The following BPIFB2 variants were observed in gnomAD, a reference collection of about 807,000 sequenced individuals.
BPIFB2 encodes BPI fold-containing family B member 2.
BPIFB2 carries 39 observed loss-of-function variants against 50.1 expected under a neutral mutation model. That is an observed-to-expected ratio of 0.78 (90% confidence interval 0.60 to 1.02). The LOEUF is 1.02. Among genes scored for constraint, BPIFB2 ranks in the 50% least tolerant of loss-of-function variants. BPIFB2 has a pLI of 0.00. For missense variants in BPIFB2, 574 were observed against 585.8 expected (o/e 0.98, Z 0.21); for synonymous variants, 280 against 256.3 (o/e 1.09, Z -0.88).
chr20:33,011,172 T>C lies in BPIFB2; in HGVS notation c.203+55T>C, dbSNP rs1600510788. 10 of 1,554,156 alleles carry C rather than the reference T, an allele frequency of 6.4e-6. No homozygotes were observed. The East Asian group carries it at 2.3e-4, about 35-fold the overall frequency. The stretch of plus-strand genomic sequence containing the variant: ...CTCCTGCCACCAAGTGGAGTGTTCC[T>C]GCTTGCCAGGTGGGTGCTTCAGTCC... On this transcript the variant is annotated intron_variant, in intron 3 of 15. Transcript: ENST00000170150.
In BPIFB2 at chr20:33,015,489, G is replaced by A; in HGVS notation, c.509G>A (p.Ser170Asn). The A allele has an allele frequency of 6.2e-7, 1 of 1,612,338 alleles. No individual in the cohort carries two copies. Residue 170 changes from serine to asparagine, a missense_variant, in exon 6 of 16, where the codon AGT (serine) becomes AAT (asparagine). By Grantham distance (46) the Ser-to-Asn change is conservative (BLOSUM62 1). Transcript: ENST00000170150. ...CAGAAGCACATTAAAGCTGTCTTGA[G>A]TAACAAGGTAAAGGGCTTGCAGATT... Reference protein sequence around the residue: ...LVQKHIKAVLSNKLCLSISNL... With the variant: ...LVQKHIKAVLNNKLCLSISNL...
At chr20:33,022,241 G>A (rs946773960) in intron 15 of BPIFB2, among the ~76,000 whole-genome samples, 8 of 152,186 alleles carry the variant, frequency 5.3e-5, no homozygotes, top group East Asian at 1.9e-4. Context: ...GGTGAGATGC[G>A]ACAGCTGCTT....
rs2146350882 is a variant in BPIFB2 at position 33,013,785 on chromosome 20, GGGCTCAGGACT to G, written c.309-21_309-11del. ...TGGGCTCTGCTGGGCGGTGCTGCTC[GGGCTCAGGACT>G]GGCATCCCTACAGCGCCCCAGAGCC... On this transcript the variant is annotated splice_polypyrimidine_tract_variant and intron_variant, in intron 4 of 15. Transcript: ENST00000170150. The G allele has an allele frequency of 1.2e-6, 2 of 1,606,388 alleles. No individual in the cohort carries two copies. Among genetic ancestry groups the G allele is most frequent in the East Asian group, 4.5e-5 (2 of 44,748 alleles).
intron 15 of BPIFB2, among the ~76,000 whole-genome samples, chr20:33,022,224 T>C (rs1409685690): frequency 6.6e-6 from 1 of 152,184 alleles, no homozygotes. Flanking sequence ...GTCACAACAC[T>C]GCCCAGGGTG....
chr20:33,021,743 G>A lies in BPIFB2; in HGVS notation c.1279G>A (p.Ala427Thr). Residue 427 changes from alanine to threonine, a missense_variant, in exon 15 of 16, where the codon GCC becomes ACC. By Grantham distance (58) the Ala-to-Thr change is moderately conservative. Coordinates refer to ENST00000170150, the MANE Select transcript of BPIFB2 (RefSeq NM_025227.3). ...TGCAGCTCTCTTGGCCATGGGAATT[G>A]CCCTCCCTGGTGTGGTCAACCTCCA... ...HLNALLAMGI[A>T]LPGVVNLHYV... 1 of 1,614,104 alleles carries A rather than the reference G, an allele frequency of 6.2e-7. No homozygotes were observed. The highest frequency in any genetic ancestry group is 1.1e-5 in the South Asian group (1 of 91,074).
At chr20:33,021,934 A>C in intron 15 of BPIFB2, 135 bp downstream of exon 15, 1 of 882,208 alleles carries the variant, frequency 1.1e-6, no homozygotes, top group Non-Finnish European at 1.8e-6. Flanking sequence ...TGAAATGAAA[A>C]GTCCAGGATG....
chr20:33,022,663 A>T (rs1325768774), intron 15 of BPIFB2, among the ~76,000 whole-genome samples: 1 of 152,242 alleles, frequency 6.6e-6, no homozygotes, highest in Non-Finnish European at 1.5e-5. Flanking sequence ...ATGATAAGCC[A>T]CAGGTACATG....
At chr20:33,020,629 T>A in intron 13 of BPIFB2, 42 bp downstream of exon 13, 1 of 1,554,546 alleles carries the variant, frequency 6.4e-7, no homozygotes, top group Non-Finnish European at 8.7e-7. Flanking sequence ...CCGTCCTGGG[T>A]AGGGCACACC....
In BPIFB2 at chr20:33,019,384, C is replaced by T. The variant is rs1020873356; in HGVS notation, c.910-196C>T. 8.5e-5 allele frequency among the ~76,000 whole-genome samples: 13 copies of T among 152,142 alleles called. No individual in the cohort carries two copies. In the South Asian group the frequency reaches 2.3e-3, roughly 27 times the overall value. ...TTCTTCAAGACCAAGCTCAAGGTCA[C>T]CTCCTCGGGGAGATCCAACCCCCTC... On this transcript the variant is annotated intron_variant, in intron 10 of 15. Coordinates refer to ENST00000170150, the MANE Select transcript of BPIFB2 (RefSeq NM_025227.3).
At position 33,011,103 on chromosome 20, in the gene BPIFB2, G is replaced by A. The variant is rs61734339; in HGVS notation, c.189G>A (p.Ala63=). The change falls in exon 3 of 16, where the codon GCG becomes GCA. Residue 63 remains alanine, a synonymous_variant. Transcript: ENST00000170150. Reference sequence around the variant, plus strand: ...ATTTCCTGGACTGGAGTGGAGAGGCGCTTCAGCCCACCAGGTGAGTGCTCC... The same window carrying A: ...ATTTCCTGGACTGGAGTGGAGAGGCACTTCAGCCCACCAGGTGAGTGCTCC... ...VPHFLDWSGE[A]LQPTRIRILN... is the part of the protein sequence containing the mutation. 1,846 of 1,613,698 alleles carry A rather than the reference G, an allele frequency of 1.1e-3. 20 individuals are homozygous for A. In the African/African-American group the frequency reaches 0.017, roughly 15 times the overall value.
chr20:33,012,506 C>A (rs1401408991), intron 3 of BPIFB2, among the ~76,000 whole-genome samples: 2 of 152,134 alleles, frequency 1.3e-5, no homozygotes, highest in Non-Finnish European at 2.9e-5. Context: ...TCTTTTCCAA[C>A]CTTCCCAACT....
chr20:33,020,223 AG>A, intron 11 of BPIFB2, 104 bp from the exon 12 acceptor site: 3 of 1,130,462 alleles, frequency 2.7e-6, no homozygotes, highest in Non-Finnish European at 2.6e-6. Flanking sequence ...GGGGCTCCAC[AG>A]ACACCTGCTG....
chr20:33,021,524 G>A lies in BPIFB2; in HGVS notation c.1258+180G>A, dbSNP rs546210236. On this transcript the variant is annotated intron_variant, in intron 14 of 15. Coordinates refer to ENST00000170150, the MANE Select transcript of BPIFB2 (RefSeq NM_025227.3). ...GCACATATCTGTGTAGCAGCTGTGTGATCTTCACCAAGCAGCTGTGTGATC... is the reference window on the plus strand; with the variant it reads ...GCACATATCTGTGTAGCAGCTGTGTAATCTTCACCAAGCAGCTGTGTGATC... Among the ~76,000 whole-genome samples the A allele has an allele frequency of 4.6e-5, 7 of 152,326 alleles. 1 individual carries two copies. In the East Asian group the frequency reaches 1.2e-3, roughly 25 times the overall value.
rs200772070 is a variant in BPIFB2 at position 33,011,033 on chromosome 20, T to C, written c.119T>C (p.Ile40Thr). The C allele has an allele frequency of 6.2e-7, 1 of 1,613,928 alleles. No homozygotes were observed. The highest frequency in any genetic ancestry group is 1.6e-4 in the Middle Eastern group (1 of 6,062). The change falls in exon 3 of 16, where the codon ATT (isoleucine) becomes ACT (threonine). Residue 40 changes from isoleucine (I) to threonine (T), a missense_variant. Ile to Thr is a moderately conservative substitution (Grantham distance 89). Coordinates refer to ENST00000170150, the MANE Select transcript of BPIFB2 (RefSeq NM_025227.3). ...NKAALSYVSE[I>T]GKAPLQRALQ... ...TACCCTGGCCCCACAGTGTCTGAAATTGGGAAAGCCCCTCTCCAGCGGGCC... is the reference window on the plus strand; with the variant it reads ...TACCCTGGCCCCACAGTGTCTGAAACTGGGAAAGCCCCTCTCCAGCGGGCC...
At chr20:33,015,629 T>G (rs1600513156) in intron 6 of BPIFB2, 133 bp downstream of exon 6, 10 of 794,006 alleles carry the variant, frequency 1.3e-5, no homozygotes, top group African/African-American at 3.7e-5. Flanking sequence ...CCCTTCATGG[T>G]CCCCATGAAG....
At chr20:33,013,408 TGCTTCCTGTGGGCCAG>T (rs1399550069) in intron 4 of BPIFB2, among the ~76,000 whole-genome samples, 1 of 152,232 alleles carries the variant, frequency 6.6e-6, no homozygotes, top group African/African-American at 2.4e-5. Context: ...ATTTTATGAT[TGCTTCCTGTGGGCCAG>T]GCTCTGTGCT....
chr20:33,019,251 C>T (rs1328421908), intron 10 of BPIFB2, 136 bp downstream of exon 10: 1 of 1,062,542 alleles, frequency 9.4e-7, no homozygotes, highest in Admixed American at 2.0e-5. Flanking sequence ...ACTCCTCCAT[C>T]TTGGGGAGGC....
In BPIFB2 at chr20:33,023,479, T is replaced by G; in HGVS notation, c.*96T>G. 2.1e-6 allele frequency: 3 copies of G among 1,415,100 alleles called. No homozygotes were observed. Among genetic ancestry groups the G allele is most frequent in the Non-Finnish European group, 3.0e-6 (3 of 1,005,158 alleles). 87.7% of individuals were successfully genotyped at this position (1,415,100 alleles called of 1,614,324 possible). On this transcript the variant is annotated 3_prime_UTR_variant, in exon 16 of 16. Transcript: ENST00000170150. ...GGGGAAACTGAGGCAAAACCATACT[T>G]AGTCATCACCAACAAGCTGGACTGC...
intron 10 of BPIFB2, among the ~76,000 whole-genome samples, 174 bp downstream of exon 10, chr20:33,019,289 T>C (rs1260726821): frequency 1.3e-5 from 2 of 152,176 alleles, no homozygotes; most frequent in Non-Finnish European, 2.9e-5. Flanking sequence ...CATCACACTC[T>C]GTCTCTCTGT....
Sources: allele counts gnomAD v4.1 joint callset (sites outside exome capture counted in the v4.1 genomes callset), GRCh38; gene constraint gnomAD v4.1.1; transcripts MANE v1.5; gene names NCBI Gene and HGNC (gene_info 2026-07-23, HGNC 2026-07-21).